CDH18: variants seen among roughly 807,000 people sequenced by gnomAD.
CDH18 encodes cadherin-18.
Under a neutral mutation model 67.9 loss-of-function variants are expected in CDH18, and 31 were observed. That is an observed-to-expected ratio of 0.46 (90% CI 0.34 to 0.62). CDH18 has a LOEUF of 0.62. Among genes scored for constraint, CDH18 ranks in the 20% least tolerant of loss-of-function variants. The pLI, the probability that CDH18 is intolerant of heterozygous loss-of-function variation, is 0.01. For synonymous variants in CDH18, 362 were observed against 347.2 expected (o/e 1.04, Z -0.48); for missense variants, 890 against 975.5 (o/e 0.91, Z 1.17).
chr5:19,502,823 A>G (rs530295846), intron 11 of CDH18, 169 bp downstream of exon 11: 3 of 642,104 alleles, frequency 4.7e-6, no homozygotes, highest in African/African-American at 1.8e-5. Flanking sequence ...ATTTGTACAT[A>G]TGGCTCAATT....
At chr5:20,060,137 T>A (rs1742335097) in intron 2 of CDH18, among the ~76,000 whole-genome samples, 1 of 152,082 alleles carries the variant, frequency 6.6e-6, no homozygotes, top group Non-Finnish European at 1.5e-5. Context: ...AAAAAACTTA[T>A]TAGAACTCAT....
chr5:20,229,837 T>C (rs181339633), intron 2 of CDH18, among the ~76,000 whole-genome samples: 1 of 152,242 alleles, frequency 6.6e-6, no homozygotes, highest in African/African-American at 2.4e-5. Context: ...TCACATAGTG[T>C]CCCAGATTCT....
chr5:20,026,236 C>T (rs1238799814), intron 2 of CDH18, among the ~76,000 whole-genome samples: 1 of 152,180 alleles, frequency 6.6e-6, no homozygotes, highest in African/African-American at 2.4e-5. Flanking sequence ...GTAAGGGGAT[C>T]TGTTGCCAGG....
chr5:19,662,556 G>A (rs1226071118), intron 5 of CDH18, among the ~76,000 whole-genome samples: 1 of 151,966 alleles, frequency 6.6e-6, no homozygotes, highest in Non-Finnish European at 1.5e-5. Context: ...AGCTTGGGAT[G>A]TCTTGTCCTG....
At chr5:19,665,517 A>G (rs1757783872) in intron 5 of CDH18, among the ~76,000 whole-genome samples, 1 of 152,148 alleles carries the variant, frequency 6.6e-6, no homozygotes, top group Admixed American at 6.6e-5. Context: ...GTATTAGCTT[A>G]TATGAATAGA....
intron 10 of CDH18, among the ~76,000 whole-genome samples, chr5:19,507,131 G>A (rs1352672533): frequency 2.0e-5 from 3 of 152,166 alleles, no homozygotes; most frequent in Non-Finnish European, 4.4e-5. Context: ...AGACATTTAT[G>A]CAGCCAAAAG....
intron 1 of CDH18, among the ~76,000 whole-genome samples, chr5:20,323,992 C>T (rs73056758): frequency 0.11 from 16,561 of 152,102 alleles, 1,491 homozygotes; most frequent in East Asian, 0.37. Flanking sequence ...ACTAATGACA[C>T]AAAAGTGGCA....
intron 9 of CDH18, among the ~76,000 whole-genome samples, chr5:19,523,531 A>C (rs1478426656): frequency 8.5e-6 from 1 of 117,670 alleles, no homozygotes; most frequent in Non-Finnish European, 1.8e-5. Flanking sequence ...TTAATGGCCA[A>C]CAGTTAATAG....
At chr5:19,914,652 G>A (rs897321056) in intron 2 of CDH18, among the ~76,000 whole-genome samples, 1 of 151,948 alleles carries the variant, frequency 6.6e-6, no homozygotes, top group African/African-American at 2.4e-5. Flanking sequence ...AAAGTAGTGA[G>A]AAATATGAAT....
chr5:19,482,456 A>C (rs1739613308), intron 12 of CDH18, among the ~76,000 whole-genome samples: 2 of 152,206 alleles, frequency 1.3e-5, no homozygotes, highest in East Asian at 1.9e-4. Flanking sequence ...AAATTCAATA[A>C]AATTTAATAT....
intron 6 of CDH18, among the ~76,000 whole-genome samples, chr5:19,599,193 C>G (rs897242601): frequency 6.6e-6 from 1 of 151,772 alleles, no homozygotes; most frequent in Admixed American, 6.6e-5. Context: ...TATGTACACA[C>G]AGTGTTATAT....
At chr5:19,820,038 C>T (rs887832681) in intron 3 of CDH18, among the ~76,000 whole-genome samples, 1 of 152,098 alleles carries the variant, frequency 6.6e-6, no homozygotes, top group African/African-American at 2.4e-5. Context: ...TTAGTCCCAA[C>T]CCTCCAGGGT....
intron 11 of CDH18, among the ~76,000 whole-genome samples, chr5:19,496,381 T>C (rs1428336909): frequency 6.6e-6 from 1 of 152,196 alleles, no homozygotes; most frequent in Non-Finnish European, 1.5e-5. Context: ...GTGCTATAGC[T>C]TGAATGTTTT....
At chr5:19,548,458 G>A (rs1025737542) in intron 8 of CDH18, among the ~76,000 whole-genome samples, 1 of 151,966 alleles carries the variant, frequency 6.6e-6, no homozygotes, top group African/African-American at 2.4e-5. Context: ...TATGTGTGAG[G>A]CAGAGAGGAA....
chr5:19,797,628 T>C (rs1561319643), intron 3 of CDH18, among the ~76,000 whole-genome samples: 1 of 152,032 alleles, frequency 6.6e-6, no homozygotes, highest in Non-Finnish European at 1.5e-5. Flanking sequence ...AACATGCACA[T>C]AATGTTTTAT....
At chr5:19,786,554 T>C (rs1222616962) in intron 3 of CDH18, among the ~76,000 whole-genome samples, 1 of 152,178 alleles carries the variant, frequency 6.6e-6, no homozygotes, top group East Asian at 1.9e-4. Flanking sequence ...CTTCCTTGAA[T>C]ATACAGAGTA....
intron 1 of CDH18, among the ~76,000 whole-genome samples, chr5:20,428,138 C>G (rs1412910033): frequency 6.6e-6 from 1 of 150,722 alleles, no homozygotes; most frequent in Non-Finnish European, 1.5e-5. Flanking sequence ...ATGTTCCCCT[C>G]CCTGTGTCCA....
intron 2 of CDH18, among the ~76,000 whole-genome samples, chr5:19,999,245 CACTT>C (rs937632597): frequency 7.9e-5 from 12 of 151,996 alleles, no homozygotes; most frequent in Non-Finnish European, 1.2e-4. Context: ...CACGCACACA[CACTT>C]ACCCCTTCTA....
intron 3 of CDH18, among the ~76,000 whole-genome samples, chr5:19,798,283 C>G (rs574057005): frequency 6.6e-6 from 1 of 151,856 alleles, no homozygotes; most frequent in Non-Finnish European, 1.5e-5. Context: ...CTCTTAAAAT[C>G]TAGTTGTGAA....
Sources: allele counts gnomAD v4.1 joint callset (sites outside exome capture counted in the v4.1 genomes callset), GRCh38; gene constraint gnomAD v4.1.1; transcripts MANE v1.5; gene names NCBI Gene and HGNC (gene_info 2026-07-23, HGNC 2026-07-21).